TRPC4: variants seen among roughly 807,000 people sequenced by gnomAD.
The protein encoded by TRPC4 is transient receptor potential cation channel subfamily C member 4.
A neutral mutation model predicts 99.4 loss-of-function variants in TRPC4; 49 were observed. That is an observed-to-expected ratio of 0.49 (90% CI 0.39 to 0.63). The LOEUF (loss-of-function observed/expected upper bound fraction) is 0.63. Ranked by LOEUF, TRPC4 falls within the 20% of genes least tolerant of loss-of-function variation. TRPC4 has a pLI of 0.00. For missense variants in TRPC4, 898 were observed against 1,152.9 expected (o/e 0.78, Z 3.20); for synonymous variants, 454 against 425.9 (o/e 1.07, Z -0.81).
chr13:37,662,607 A>G (rs1028203326), intron 6 of TRPC4, among the ~76,000 whole-genome samples: 1 of 152,246 alleles, frequency 6.6e-6, no homozygotes, highest in African/African-American at 2.4e-5. Flanking sequence ...TGAATAAGGT[A>G]TGACTTTTAA....
At chr13:37,756,553 G>A (rs1956102293) in intron 2 of TRPC4, among the ~76,000 whole-genome samples, 1 of 145,782 alleles carries the variant, frequency 6.9e-6, no homozygotes, top group Admixed American at 6.9e-5. Flanking sequence ...TTTTTTCTGA[G>A]GTAGAGTCTT....
At chr13:37,833,371 A>T (rs1428100791) in intron 1 of TRPC4, among the ~76,000 whole-genome samples, 1 of 152,206 alleles carries the variant, frequency 6.6e-6, no homozygotes, top group Non-Finnish European at 1.5e-5. Flanking sequence ...TTGATACGGC[A>T]TTCACCTGAT....
At chr13:37,708,604 C>T (rs987048592) in intron 3 of TRPC4, among the ~76,000 whole-genome samples, 12 of 151,436 alleles carry the variant, frequency 7.9e-5, no homozygotes, top group African/African-American at 2.7e-4. Flanking sequence ...GGAATGTTTT[C>T]ATATCTACCC....
Position 37,751,472 on chromosome 13 carries a change from G to T in TRPC4, c.379-5017C>A, listed in dbSNP as rs959079213. On this transcript the variant is annotated intron_variant, in intron 2 of 10. Coordinates refer to ENST00000379705, the MANE Select transcript of TRPC4 (RefSeq NM_016179.4). ...TGGTTAACCAGCTAATAGAATAGAA[G>T]CTTTAATAAAGGAAAAGGGGACCCT... Among the ~76,000 whole-genome samples the T allele has an allele frequency of 8.2e-4, 124 of 152,028 alleles. 1 individual carries two copies. The highest frequency in any genetic ancestry group is 2.9e-3 in the African/African-American group (120 of 41,502).
intron 2 of TRPC4, among the ~76,000 whole-genome samples, chr13:37,771,359 T>A (rs1368647509): frequency 6.6e-6 from 1 of 151,842 alleles, no homozygotes; most frequent in Non-Finnish European, 1.5e-5. Context: ...CTTGCTGCTC[T>A]GCTATAGCAA....
chr13:37,639,234 A>G lies in TRPC4; in HGVS notation c.2121+24T>C, dbSNP rs966234282. The G allele has an allele frequency of 2.5e-6, 4 of 1,613,420 alleles. No homozygotes were observed. In the Admixed American group the frequency reaches 6.7e-5, roughly 27 times the overall value. ...GCATTTTATTTTAGTGAAAATTTCA[A>G]GACATAGTACAAGGACAACTTACTT... On this transcript the variant is annotated intron_variant, in intron 9 of 10. Coordinates refer to ENST00000379705, the MANE Select transcript of TRPC4 (RefSeq NM_016179.4).
At chr13:37,821,463 T>C (rs1408962642) in intron 1 of TRPC4, among the ~76,000 whole-genome samples, 1 of 152,058 alleles carries the variant, frequency 6.6e-6, no homozygotes, top group Non-Finnish European at 1.5e-5. Flanking sequence ...GAAAAACTAT[T>C]TTAAAATTCA....
At chr13:37,694,940 A>T (rs1953859190) in intron 3 of TRPC4, among the ~76,000 whole-genome samples, 1 of 152,154 alleles carries the variant, frequency 6.6e-6, no homozygotes. Flanking sequence ...CTTTCGACCA[A>T]ACATGCTCTT....
rs144000308 is a variant in TRPC4, at chr13:37,706,828, T to C, written c.898-14493A>G. Reference sequence around the variant, plus strand: ...AAAGTCAGAATATTTTAAATAGTCATCAAGGAAATACATTTCAGAGTAACG... The same window carrying C: ...AAAGTCAGAATATTTTAAATAGTCACCAAGGAAATACATTTCAGAGTAACG... On this transcript the variant is annotated intron_variant, in intron 3 of 10. Transcript: ENST00000379705. Among the ~76,000 whole-genome samples, 16 of 152,256 alleles carry C rather than the reference T, an allele frequency of 1.1e-4. No individual in the cohort carries two copies. The East Asian group carries it at 3.1e-3, about 29-fold the overall frequency.
At chr13:37,862,643 GA>G (rs1487804333) in intron 1 of TRPC4, among the ~76,000 whole-genome samples, 1 of 151,638 alleles carries the variant, frequency 6.6e-6, no homozygotes, top group Non-Finnish European at 1.5e-5. Flanking sequence ...AGGATCAGGA[GA>G]AAATAAGGTT....
chr13:37,668,717 A>T (rs3885813), intron 5 of TRPC4, among the ~76,000 whole-genome samples: 12 of 152,344 alleles, frequency 7.9e-5, no homozygotes, highest in Non-Finnish European at 1.6e-4. Flanking sequence ...AATGTCAAGT[A>T]ATAAATAGAA....
At position 37,717,500 on chromosome 13, in the gene TRPC4, G is replaced by C. The variant is rs553345324; in HGVS notation, c.898-25165C>G. Among the ~76,000 whole-genome samples, 2 of 152,170 alleles carry C rather than the reference G, an allele frequency of 1.3e-5. 1 individual carries two copies. Among genetic ancestry groups the C allele is most frequent in the South Asian group, 4.2e-4 (2 of 4,810 alleles). ...GAAACATTTCTTTATGAGCTGTTAT[G>C]GTCTCAATTGTGTCCTCTACCCAAG... On this transcript the variant is annotated intron_variant, in intron 3 of 10. Transcript: ENST00000379705.
intron 1 of TRPC4, among the ~76,000 whole-genome samples, chr13:37,819,895 ACAAGGGCCAGCCAACCC>A (rs1365540740): frequency 6.6e-6 from 1 of 151,936 alleles, no homozygotes; most frequent in Non-Finnish European, 1.5e-5. Context: ...AACTAAAAAA[ACAAGGGCCAGCCAACCC>A]CAAATCTAGT....
At chr13:37,859,584 C>T (rs1002690443) in intron 1 of TRPC4, among the ~76,000 whole-genome samples, 4 of 151,428 alleles carry the variant, frequency 2.6e-5, no homozygotes, top group African/African-American at 9.7e-5. Context: ...AATTTAACAG[C>T]ATTTTGAAAG....
chr13:37,780,190 G>A (rs566352522), intron 2 of TRPC4, among the ~76,000 whole-genome samples: 3 of 152,166 alleles, frequency 2.0e-5, no homozygotes, highest in East Asian at 3.9e-4. Flanking sequence ...GGATGACTAT[G>A]AAATCTTTCT....
intron 2 of TRPC4, among the ~76,000 whole-genome samples, chr13:37,767,681 G>C (rs533056384): frequency 6.6e-6 from 1 of 151,354 alleles, no homozygotes; most frequent in South Asian, 2.1e-4. Context: ...CTTAACTAAA[G>C]CCTGTAAGAC....
chr13:37,648,417 T>G (rs561599572), intron 8 of TRPC4, among the ~76,000 whole-genome samples: 5 of 152,304 alleles, frequency 3.3e-5, no homozygotes, highest in Non-Finnish European at 5.9e-5. Context: ...TGATATTGAT[T>G]GGGCTGGTGC....
chr13:37,767,621 G>T (rs1284255914), intron 2 of TRPC4, among the ~76,000 whole-genome samples: 1 of 151,236 alleles, frequency 6.6e-6, no homozygotes, highest in Non-Finnish European at 1.5e-5. Flanking sequence ...TAACAAAGGT[G>T]TTAATAATCT....
intron 1 of TRPC4, among the ~76,000 whole-genome samples, chr13:37,802,813 C>G (rs1957436857): frequency 6.6e-6 from 1 of 152,058 alleles, no homozygotes; most frequent in African/African-American, 2.4e-5. Flanking sequence ...AGTCCTTTTT[C>G]TCCTTACAGT....
Sources: gnomAD v4.1 joint callset for allele counts (sites outside exome capture counted in the v4.1 genomes callset) on GRCh38, gnomAD v4.1.1 for gene constraint, MANE v1.5 for transcripts, NCBI Gene and HGNC (gene_info 2026-07-23, HGNC 2026-07-21) for gene names.